SH2D1B: variants seen among roughly 807,000 people sequenced by gnomAD.
SH2D1B encodes SH2 domain-containing protein 1B.
SH2D1B carries 11 observed loss-of-function variants against 16.3 expected under a neutral mutation model. The ratio of observed to expected loss-of-function variants is 0.67; its 90% CI spans 0.42 to 1.11. The LOEUF is 1.11. SH2D1B is among the 50% of genes most tolerant of loss of function. The probability of loss-of-function intolerance (pLI) is 0.00; values close to 1 mark genes in which losing one functional copy is unlikely to be tolerated. For synonymous variants in SH2D1B, 55 were observed against 56.1 expected, an observed-to-expected ratio of 0.98 and a Z score of 0.09; for missense variants, 123 against 153.1, an observed-to-expected ratio of 0.80 and a Z score of 1.04.
chr1:162,402,320 G>A (rs1246263961), intron 2 of SH2D1B, among the ~76,000 whole-genome samples: 1 of 152,054 alleles, frequency 6.6e-6, no homozygotes, highest in Non-Finnish European at 1.5e-5. Context: ...AGACCATCCT[G>A]TCTAACACGG....
chr1:162,397,175 AT>A lies in SH2D1B; in HGVS notation c.*104del. ...CAGTTACACAACCAGGAGAGTCTGA[AT>A]TGTCCACTAGAGTTTGGTGCTCTGG... On this transcript the variant is annotated 3_prime_UTR_variant, in exon 4 of 4. Transcript: ENST00000367929. The A allele has an allele frequency of 8.0e-7, 1 of 1,247,272 alleles. No homozygotes were observed. The highest frequency in any genetic ancestry group is 1.2e-6 in the Non-Finnish European group (1 of 854,748). 77.3% of individuals were successfully genotyped at this position (1,247,272 alleles called of 1,614,324 possible). A position where few individuals can be genotyped will look rare whatever the true frequency, so the allele number is the denominator to read the frequency against.
At chr1:162,403,509 AAAATATATATATATATATATAT>A (rs1648578611) in intron 1 of SH2D1B, among the ~76,000 whole-genome samples, 2 of 17,150 alleles carry the variant, frequency 1.2e-4, no homozygotes, top group Non-Finnish European at 2.7e-4. Flanking sequence ...AAAAAAAAAA[AAAATATATATATATATATATAT>A]ATATATATAT....
chr1:162,410,317 A>C (rs1055320800), intron 1 of SH2D1B, among the ~76,000 whole-genome samples: 1 of 152,196 alleles, frequency 6.6e-6, no homozygotes, highest in African/African-American at 2.4e-5. Flanking sequence ...CCACTTGTCC[A>C]TGCTGGATTC....
At chr1:162,406,828 G>A (rs1299905051) in intron 1 of SH2D1B, among the ~76,000 whole-genome samples, 1 of 152,180 alleles carries the variant, frequency 6.6e-6, no homozygotes, top group Non-Finnish European at 1.5e-5. Context: ...GCTTTGCAAA[G>A]TCCTCCTTTT....
intron 1 of SH2D1B, among the ~76,000 whole-genome samples, chr1:162,406,586 T>C (rs1648659321): frequency 6.6e-6 from 1 of 152,226 alleles, no homozygotes; most frequent in South Asian, 2.1e-4. Flanking sequence ...TTGTTTTTTA[T>C]ACCTTTCTCT....
At chr1:162,402,536 C>CA (rs1258398814) in intron 2 of SH2D1B, 11 of 469,800 alleles carry the variant, frequency 2.3e-5, no homozygotes, top group East Asian at 1.6e-4. Context: ...AAAACAACAA[C>CA]AAAAAAAGTA....
chr1:162,411,727 C>T (rs1648799665), intron 1 of SH2D1B, among the ~76,000 whole-genome samples, 156 bp downstream of exon 1: 2 of 152,180 alleles, frequency 1.3e-5, no homozygotes, highest in Admixed American at 1.3e-4. Flanking sequence ...TGGACAGATA[C>T]ATTCCTCTCC....
At chr1:162,402,909 A>C in intron 1 of SH2D1B, 107 bp from the exon 2 acceptor site, 1 of 942,778 alleles carries the variant, frequency 1.1e-6, no homozygotes, top group Non-Finnish European at 1.6e-6. Context: ...ATCCTAAAAA[A>C]ACTCTTTTTT....
intron 1 of SH2D1B, among the ~76,000 whole-genome samples, chr1:162,407,850 T>C (rs2101863563): frequency 6.6e-6 from 1 of 152,332 alleles, no homozygotes; most frequent in Non-Finnish European, 1.5e-5. Flanking sequence ...GCAGAAACAT[T>C]GCCAGTAGTA....
intron 3 of SH2D1B, 63 bp downstream of exon 3, chr1:162,398,860 A>G (rs1268732295): frequency 2.0e-6 from 3 of 1,530,744 alleles, no homozygotes; most frequent in African/African-American, 1.4e-5. Flanking sequence ...TGAGTTTACA[A>G]AGTAAGGCAT....
At position 162,398,013 on chromosome 1, in the gene SH2D1B, G is replaced by A. The variant is rs576767899; in HGVS notation, c.364-698C>T. ...ACACACTGCCCTTCATGGGGATGGG[G>A]GGACAGGGACACAATGGTAGGGAAG... is the stretch of plus-strand genomic sequence containing the variant. On this transcript the variant is annotated intron_variant, in intron 3 of 3. Coordinates refer to ENST00000367929, the MANE Select transcript of SH2D1B (RefSeq NM_053282.5). Among the ~76,000 whole-genome samples the A allele has an allele frequency of 1.3e-5, 2 of 152,290 alleles. 1 individual carries two copies. Among genetic ancestry groups the A allele is most frequent in the South Asian group, 4.1e-4 (2 of 4,824 alleles).
In SH2D1B at chr1:162,403,504, AAAAAAAAATATATATATATATAT is replaced by A. The variant is rs1333623501; in HGVS notation, c.135-725_135-703del. On this transcript the variant is annotated intron_variant, in intron 1 of 3. Transcript: ENST00000367929. Reference sequence around the variant, plus strand: ...ACTCTGTCTGAAAAAAAAAAAAAAAAAAAAAAAATATATATATATATATATATATATATATATATGTAATTACT... The same window carrying A: ...ACTCTGTCTGAAAAAAAAAAAAAAAAATATATATATATATATGTAATTACT... Among the ~76,000 whole-genome samples, 173 of 31,788 alleles carry A rather than the reference AAAAAAAAATATATATATATATAT, an allele frequency of 5.4e-3. 5 individuals carry two copies. The highest frequency in any genetic ancestry group is 0.045 in the East Asian group (48 of 1,072). The allele number at this position is 31,788 out of a possible 152,430, so 20.9% of individuals were successfully genotyped here.
Position 162,395,810 on chromosome 1 carries a change from A to C in SH2D1B, c.*1470T>G, listed in dbSNP as rs1648360734. ...AAGACTTCAGTTGGGAAAATTTATG[A>C]CTCCATGAAAGGGCAAAAAAGATGA... is the stretch of plus-strand genomic sequence containing the variant. On this transcript the variant is annotated 3_prime_UTR_variant, in exon 4 of 4. Coordinates refer to ENST00000367929, the MANE Select transcript of SH2D1B (RefSeq NM_053282.5). 1 of 152,174 alleles carries C rather than the reference A, an allele frequency of 6.6e-6. No homozygotes were observed. Among genetic ancestry groups the C allele is most frequent in the Non-Finnish European group, 1.5e-5 (1 of 68,028 alleles). The allele number at this position is 152,174 out of a possible 1,614,324, so 9.4% of individuals were successfully genotyped here. A position where few individuals can be genotyped will look rare whatever the true frequency, so the allele number is the denominator to read the frequency against.
intron 1 of SH2D1B, among the ~76,000 whole-genome samples, chr1:162,404,709 T>C (rs1216017900): frequency 6.6e-6 from 1 of 152,182 alleles, no homozygotes; most frequent in Non-Finnish European, 1.5e-5. Flanking sequence ...CCCAGTATCA[T>C]TAGTCATTAG....
rs772152679 is a variant in SH2D1B at position 162,411,962 on chromosome 1, G to A, written c.55C>T (p.Leu19=). The A allele has an allele frequency of 6.2e-7, 1 of 1,614,136 alleles. No homozygotes were observed. The highest frequency in any genetic ancestry group is 8.5e-7 in the Non-Finnish European group (1 of 1,180,008). The change falls in exon 1 of 4, where the codon CTG becomes TTG. Residue 19 remains leucine (L), a synonymous_variant. Coordinates refer to ENST00000367929, the MANE Select transcript of SH2D1B (RefSeq NM_053282.5). The part of the protein sequence containing the change: ...RLTKQDCETL[L]LKEGVDGNFL... The stretch of plus-strand genomic sequence containing the variant: ...TTGCCATCCACCCCTTCCTTGAGCA[G>A]CAAGGTCTCACAGTCTTGCTTGGTC...
chr1:162,408,604 C>T (rs1209776718), intron 1 of SH2D1B, among the ~76,000 whole-genome samples: 2 of 151,816 alleles, frequency 1.3e-5, no homozygotes, highest in East Asian at 3.9e-4. Context: ...TTAGTAGAGA[C>T]AGAGTTTCAC....
chr1:162,395,521 T>A lies in SH2D1B; in HGVS notation c.*1759A>T, dbSNP rs1340096172. ...ACTCACTATCATGACTATGAACTGTTTAATGTATACAGGAGGCCCTAACCA... is the reference window on the plus strand; with the variant it reads ...ACTCACTATCATGACTATGAACTGTATAATGTATACAGGAGGCCCTAACCA... On this transcript the variant is annotated 3_prime_UTR_variant, in exon 4 of 4. Coordinates refer to ENST00000367929, the MANE Select transcript of SH2D1B (RefSeq NM_053282.5). 6.6e-6 allele frequency: 1 copy of A among 152,188 alleles called. No homozygotes were observed. The highest frequency in any genetic ancestry group is 6.5e-5 in the Admixed American group (1 of 15,276). The allele number at this position is 152,188 out of a possible 1,614,324, so 9.4% of individuals were successfully genotyped here. A position where few individuals can be genotyped will look rare whatever the true frequency, so the allele number is the denominator to read the frequency against.
chr1:162,402,910 A>T (rs145903186), intron 1 of SH2D1B, 108 bp from the exon 2 acceptor site: 32 of 904,956 alleles, frequency 3.5e-5, no homozygotes, highest in South Asian at 6.5e-5. Flanking sequence ...TCCTAAAAAA[A>T]CTCTTTTTTT....
At chr1:162,404,790 G>C (rs972021436) in intron 1 of SH2D1B, among the ~76,000 whole-genome samples, 2 of 152,182 alleles carry the variant, frequency 1.3e-5, no homozygotes, top group African/African-American at 4.8e-5. Flanking sequence ...GTAAAAGACT[G>C]ACCGTTCCAC....
Sources: allele counts gnomAD v4.1 joint callset (sites outside exome capture counted in the v4.1 genomes callset), GRCh38; gene constraint gnomAD v4.1.1; transcripts MANE v1.5; gene names NCBI Gene and HGNC (gene_info 2026-07-23, HGNC 2026-07-21).